CSMD3: variants seen among roughly 807,000 people sequenced by gnomAD.
CSMD3 encodes the protein CUB and Sushi multiple domains 3, also known as CUB and sushi domain-containing protein 3.
A neutral mutation model predicts 435.2 loss-of-function variants in CSMD3; 177 were observed. That is an observed-to-expected ratio of 0.41 (90% CI 0.36 to 0.46). The LOEUF (loss-of-function observed/expected upper bound fraction) is 0.46. CSMD3 is among the 20% of genes least tolerant of loss of function. CSMD3 has a pLI of 0.34. For synonymous variants in CSMD3, 1,656 were observed against 1,520.5 expected (o/e 1.09, Z -2.07); for missense variants, 4,265 against 4,504.6 (o/e 0.95, Z 1.52).
In CSMD3 at chr8:112,503,828, C is replaced by T. The variant is rs757326526; in HGVS notation, c.5045G>A (p.Gly1682Glu). ...NTMHLAFRSDGSVSYTGFHLE... is the reference protein window; with the variant it reads ...NTMHLAFRSDESVSYTGFHLE... ...ATGAAATCCAGTGTAACTAACAGAT[C>T]CATCACTCCGAAAAGCCAAATGCAT... The change falls in exon 30 of 71, where the codon GGA (glycine) becomes GAA (glutamate). Residue 1682 changes from glycine to glutamate, a missense_variant. By Grantham distance (98) the Gly-to-Glu change is moderately conservative (BLOSUM62 -2). This residue lies in a region of CSMD3 where 3,255 missense variants were observed against 3,380.2 expected (regional missense o/e 0.96). Coordinates refer to ENST00000297405, the MANE Select transcript of CSMD3 (RefSeq NM_198123.2). 6.2e-7 allele frequency: 1 copy of T among 1,612,470 alleles called. No individual in the cohort carries two copies. Among genetic ancestry groups the T allele is most frequent in the Non-Finnish European group, 8.5e-7 (1 of 1,179,072 alleles).
chr8:112,645,279 G>T, intron 19 of CSMD3, 54 bp from the exon 20 acceptor site: 1 of 955,892 alleles, frequency 1.0e-6, no homozygotes, highest in Non-Finnish European at 1.7e-6. Flanking sequence ...GACAGAGGGT[G>T]AACAAATCTC....
chr8:112,603,617 A>G (rs1275312406), intron 22 of CSMD3, among the ~76,000 whole-genome samples: 3 of 152,226 alleles, frequency 2.0e-5, no homozygotes, highest in East Asian at 1.9e-4. Context: ...TTAATTTTTT[A>G]TAATAGATTT....
chr8:112,261,115 C>A (rs1329495527), intron 61 of CSMD3, among the ~76,000 whole-genome samples: 1 of 151,986 alleles, frequency 6.6e-6, no homozygotes, highest in Non-Finnish European at 1.5e-5. Context: ...CTATTAGTGA[C>A]CTGATGAGCA....
intron 3 of CSMD3, among the ~76,000 whole-genome samples, chr8:113,233,419 T>C (rs2093111787): frequency 6.6e-6 from 1 of 150,898 alleles, no homozygotes. Flanking sequence ...AACATGATTG[T>C]TCAGATTAAA....
At chr8:112,569,740 T>C (rs1167213807) in intron 24 of CSMD3, among the ~76,000 whole-genome samples, 1 of 152,198 alleles carries the variant, frequency 6.6e-6, no homozygotes, top group Non-Finnish European at 1.5e-5. Context: ...AGCATCAAGA[T>C]ACGTGGGATT....
At chr8:112,897,682 C>CTGTG (rs1264598299) in intron 10 of CSMD3, among the ~76,000 whole-genome samples, 6 of 87,016 alleles carry the variant, frequency 6.9e-5, no homozygotes, top group African/African-American at 2.5e-4. Context: ...CTCTCTCTCT[C>CTGTG]TCTCTCTCTC....
chr8:112,351,879 A>G (rs1826166256), intron 39 of CSMD3, among the ~76,000 whole-genome samples: 1 of 151,550 alleles, frequency 6.6e-6, no homozygotes, highest in Non-Finnish European at 1.5e-5. Context: ...GTTACTATAA[A>G]CCTGGGACCC....
At chr8:112,348,323 C>A (rs996708927) in intron 40 of CSMD3, among the ~76,000 whole-genome samples, 4 of 152,192 alleles carry the variant, frequency 2.6e-5, no homozygotes, top group Admixed American at 2.0e-4. Context: ...AAATCAACTT[C>A]TGTTTTTTCA....
At chr8:112,420,246 A>T (rs73328616) in intron 32 of CSMD3, among the ~76,000 whole-genome samples, 4 of 152,182 alleles carry the variant, frequency 2.6e-5, no homozygotes, top group Non-Finnish European at 5.9e-5. Context: ...CATTATGCCA[A>T]TCTTGTTTCA....
chr8:113,145,519 T>G (rs559643650), intron 4 of CSMD3, among the ~76,000 whole-genome samples: 2 of 151,722 alleles, frequency 1.3e-5, no homozygotes, highest in East Asian at 2.0e-4. Flanking sequence ...CTATTTGTCA[T>G]GTATCATAAT....
chr8:113,063,961 A>G (rs927059541), intron 5 of CSMD3, among the ~76,000 whole-genome samples: 11 of 151,628 alleles, frequency 7.3e-5, no homozygotes, highest in Admixed American at 6.6e-5. Flanking sequence ...ACTATAATAA[A>G]TAGTAAGGTC....
At chr8:112,561,598 T>C (rs1020646924) in intron 24 of CSMD3, among the ~76,000 whole-genome samples, 6 of 151,624 alleles carry the variant, frequency 4.0e-5, no homozygotes, top group African/African-American at 1.4e-4. Flanking sequence ...TTCATATTAA[T>C]TCATCTTCAC....
intron 12 of CSMD3, among the ~76,000 whole-genome samples, chr8:112,816,861 AGTGT>A (rs1001526987): frequency 2.0e-5 from 3 of 151,692 alleles, no homozygotes; most frequent in African/African-American, 7.2e-5. Flanking sequence ...TTAACCCAGA[AGTGT>A]GTGTGTGTTT....
intron 36 of CSMD3, 61 bp downstream of exon 36, chr8:112,390,603 A>G: frequency 7.4e-7 from 1 of 1,352,268 alleles, no homozygotes; most frequent in Non-Finnish European, 1.1e-6. Flanking sequence ...TCATTCTGTC[A>G]TCTCTGAAAA....
intron 10 of CSMD3, among the ~76,000 whole-genome samples, chr8:112,893,216 G>T (rs1264941292): frequency 6.6e-6 from 1 of 151,168 alleles, no homozygotes; most frequent in African/African-American, 2.4e-5. Flanking sequence ...AACAACCTGT[G>T]GCAGTAGATA....
rs2131223536 is a variant in CSMD3 at position 112,556,752 on chromosome 8, C to G, written c.4234+11G>C. On this transcript the variant is annotated intron_variant, in intron 25 of 70. Coordinates refer to ENST00000297405, the MANE Select transcript of CSMD3 (RefSeq NM_198123.2). Reference sequence around the variant, plus strand: ...AGAAATATTCAATGAAAATCTATGACAGTATCCTACCAATACAGGAAGGCA... The same window carrying G: ...AGAAATATTCAATGAAAATCTATGAGAGTATCCTACCAATACAGGAAGGCA... The G allele has an allele frequency of 6.3e-7, 1 of 1,591,692 alleles. No homozygotes were observed. Among genetic ancestry groups the G allele is most frequent in the East Asian group, 2.2e-5 (1 of 44,718 alleles).
Position 112,842,304 on chromosome 8 carries a change from G to A in CSMD3, c.1756-12515C>T, listed in dbSNP as rs146279334. Among the ~76,000 whole-genome samples the A allele has an allele frequency of 2.4e-3, 370 of 151,892 alleles. 2 individuals carry two copies. The highest frequency in any genetic ancestry group is 8.5e-3 in the African/African-American group (354 of 41,484). On this transcript the variant is annotated intron_variant, in intron 11 of 70. Transcript: ENST00000297405. ...TCTTCTTCAAGCTCTCTTGGCAGCA[G>A]CCTATTCTGACTTAGAAGCATCTGC...
chr8:113,137,784 T>C (rs902971599), intron 4 of CSMD3, among the ~76,000 whole-genome samples: 1 of 151,476 alleles, frequency 6.6e-6, no homozygotes, highest in African/African-American at 2.4e-5. Context: ...CCTCCCAATA[T>C]TGTTCAACAT....
chr8:113,056,741 C>T (rs1269545731), intron 5 of CSMD3, among the ~76,000 whole-genome samples: 1 of 152,162 alleles, frequency 6.6e-6, no homozygotes, highest in Non-Finnish European at 1.5e-5. Context: ...ATGGTCTCAC[C>T]TAGACCTGGA....
Sources: gnomAD v4.1 joint callset for allele counts (sites outside exome capture counted in the v4.1 genomes callset) on GRCh38, gnomAD v4.1.1 for gene constraint, gnomAD v4.1.1 regional missense constraint, MANE v1.5 for transcripts, NCBI Gene and HGNC (gene_info 2026-07-23, HGNC 2026-07-21) for gene names.